The following RASGRP3 variants were observed in gnomAD, a reference collection of about 807,000 sequenced individuals.
RASGRP3 encodes ras guanyl-releasing protein 3.
A neutral mutation model predicts 82.7 loss-of-function variants in RASGRP3; 54 were observed. That is an observed-to-expected ratio of 0.65 (90% confidence interval 0.52 to 0.82). The LOEUF (loss-of-function observed/expected upper bound fraction) is 0.82. Ranked by LOEUF, RASGRP3 falls within the 40% of genes least tolerant of loss-of-function variation. The probability of loss-of-function intolerance (pLI) is 0.00; values close to 1 mark genes in which losing one functional copy is unlikely to be tolerated. For missense variants in RASGRP3, 861 were observed against 828.9 expected, an observed-to-expected ratio of 1.04 and a Z score of -0.48; for synonymous variants, 309 against 300.5, an observed-to-expected ratio of 1.03 and a Z score of -0.29.
intron 2 of RASGRP3, among the ~76,000 whole-genome samples, chr2:33,466,290 C>T (rs1420681384): frequency 6.6e-6 from 1 of 152,134 alleles, no homozygotes; most frequent in African/African-American, 2.4e-5. Context: ...TAGGAACATT[C>T]GTGATTCATG....
intron 14 of RASGRP3, among the ~76,000 whole-genome samples, chr2:33,551,764 C>G (rs888931858): frequency 6.6e-6 from 1 of 152,122 alleles, no homozygotes; most frequent in African/African-American, 2.4e-5. Context: ...GAGGCCAAGG[C>G]GGGTGGATCA....
chr2:33,531,500 C>T (rs746591878), intron 10 of RASGRP3, among the ~76,000 whole-genome samples: 32 of 152,280 alleles, frequency 2.1e-4, no homozygotes, highest in African/African-American at 7.2e-4. Flanking sequence ...GCATTTGACT[C>T]GTGCATTGAC....
chr2:33,467,050 ATATT>A (rs376494965), intron 2 of RASGRP3, among the ~76,000 whole-genome samples: 2 of 145,516 alleles, frequency 1.4e-5, no homozygotes, highest in Non-Finnish European at 3.0e-5. Context: ...AGCTTATTAT[ATATT>A]AGTAACATAC....
chr2:33,520,865 T>C (rs529597769), intron 6 of RASGRP3, among the ~76,000 whole-genome samples, 181 bp downstream of exon 6: 98 of 152,142 alleles, frequency 6.4e-4, no homozygotes, highest in African/African-American at 2.3e-3. Context: ...CAAGCTTCAG[T>C]TTTTTTTATT....
At chr2:33,541,454 T>A (rs1383304488) in intron 12 of RASGRP3, among the ~76,000 whole-genome samples, 1 of 147,002 alleles carries the variant, frequency 6.8e-6, no homozygotes, top group East Asian at 1.9e-4. Flanking sequence ...TGTCAGAGAG[T>A]AGGCACTTAA....
In RASGRP3 at chr2:33,539,175, A is replaced by G. The variant is rs1673974077; in HGVS notation, c.1243A>G (p.Thr415Ala). 2 of 1,610,120 alleles carry G rather than the reference A, an allele frequency of 1.2e-6. No homozygotes were observed. Among genetic ancestry groups the G allele is most frequent in the African/African-American group, 2.7e-5 (2 of 74,774 alleles). Residue 415 changes from threonine (T) to alanine (A), a missense_variant, in exon 12 of 18, where the codon ACG becomes GCG. Coordinates refer to ENST00000403687, the MANE Select transcript of RASGRP3 (RefSeq NM_001139488.2). ...AGGGGTGATGCCAAAGCCAGACCCCACGGTCATCAACAAGCACATAAGGAA... is the reference window on the plus strand; with the variant it reads ...AGGGGTGATGCCAAAGCCAGACCCCGCGGTCATCAACAAGCACATAAGGAA... ...ALGVMPKPDP[T>A]VINKHIRKLV...
intron 14 of RASGRP3, 132 bp from the exon 15 acceptor site, chr2:33,555,399 G>T (rs563068853): frequency 4.2e-4 from 254 of 609,262 alleles, no homozygotes; most frequent in Middle Eastern, 2.1e-3. Context: ...GGCAGGAAGG[G>T]TGTTAAAAGT....
At chr2:33,525,332 A>G (rs1370933815) in intron 9 of RASGRP3, among the ~76,000 whole-genome samples, 1 of 132,410 alleles carries the variant, frequency 7.6e-6, no homozygotes, top group Admixed American at 7.7e-5. Flanking sequence ...TTATAACTGA[A>G]TTGTCATGAA....
At chr2:33,507,424 G>A (rs1485110950) in intron 1 of RASGRP3, among the ~76,000 whole-genome samples, 1 of 152,138 alleles carries the variant, frequency 6.6e-6, no homozygotes, top group African/African-American at 2.4e-5. Flanking sequence ...GAGTGGTGGG[G>A]CAGAGATGCA....
At chr2:33,557,012 T>A (rs1018329798) in intron 15 of RASGRP3, among the ~76,000 whole-genome samples, 1 of 148,032 alleles carries the variant, frequency 6.8e-6, no homozygotes, top group Non-Finnish European at 1.5e-5. Flanking sequence ...AAAAAAAAAA[T>A]GAATTGAAAT....
At chr2:33,442,971 G>A (rs2150874339) in intron 1 of RASGRP3, among the ~76,000 whole-genome samples, 1 of 151,250 alleles carries the variant, frequency 6.6e-6, no homozygotes, top group South Asian at 2.1e-4. Context: ...CAGTAATCCG[G>A]TAATCCCACA....
chr2:33,447,316 CTT>C lies in RASGRP3; in HGVS notation c.-384-503_-384-502del, dbSNP rs1665556442. 4.6e-5 allele frequency among the ~76,000 whole-genome samples: 7 copies of C among 152,222 alleles called. No individual in the cohort carries two copies. In the South Asian group the frequency reaches 1.4e-3, roughly 32 times the overall value. On this transcript the variant is annotated intron_variant, in intron 1 of 18. Coordinates refer to the RASGRP3 transcript ENST00000402538. ...GGGACAGACTGTTCTGGAACACTCT[CTT>C]ATTTCTTCTGCTGGGAACTAGGGCT...
At chr2:33,471,440 C>G (rs1667057438) in intron 2 of RASGRP3, among the ~76,000 whole-genome samples, 1 of 151,390 alleles carries the variant, frequency 6.6e-6, no homozygotes, top group Admixed American at 6.6e-5. Flanking sequence ...CCTTGGCCTC[C>G]CAAAGCACTG....
intron 2 of RASGRP3, among the ~76,000 whole-genome samples, chr2:33,465,633 A>T (rs1574259250): frequency 6.6e-6 from 1 of 152,384 alleles, no homozygotes. Context: ...TCATTGATGA[A>T]GGTAGCTACA....
At chr2:33,555,348 T>C (rs1675828872) in intron 14 of RASGRP3, 183 bp from the exon 15 acceptor site, 2 of 464,306 alleles carry the variant, frequency 4.3e-6, no homozygotes, top group Non-Finnish European at 7.7e-6. Context: ...ACTCATGTTA[T>C]CACCACAGCT....
chr2:33,451,360 G>C (rs28845551), intron 2 of RASGRP3, among the ~76,000 whole-genome samples: 14,326 of 152,102 alleles, frequency 0.094, 836 homozygotes, highest in South Asian at 0.21. Flanking sequence ...CCATCCCACA[G>C]GCTGTCTCTA....
upstream of RASGRP3, among the ~76,000 whole-genome samples, chr2:33,473,662 C>G (rs1282860100): frequency 6.6e-6 from 1 of 152,126 alleles, no homozygotes; most frequent in African/African-American, 2.4e-5. Context: ...CTTTGCAAGG[C>G]TGTGTTATTG....
intron 8 of RASGRP3, 98 bp from the exon 9 acceptor site, chr2:33,524,334 C>A: frequency 2.4e-6 from 2 of 821,710 alleles, no homozygotes; most frequent in Non-Finnish European, 3.8e-6. Context: ...TTTTCCTTAG[C>A]TTCTTGTTAT....
chr2:33,514,012 G>A (rs1407747725), intron 2 of RASGRP3: 1 of 152,128 alleles, frequency 6.6e-6, no homozygotes, highest in East Asian at 1.9e-4. Flanking sequence ...ATAATTGCAT[G>A]GTTTTGGGTA....
Sources: allele counts gnomAD v4.1 joint callset (sites outside exome capture counted in the v4.1 genomes callset), GRCh38; gene constraint gnomAD v4.1.1; transcripts MANE v1.5; gene names NCBI Gene and HGNC (gene_info 2026-07-23, HGNC 2026-07-21).